SLC24A3: variants seen among roughly 807,000 people sequenced by gnomAD.
The protein encoded by SLC24A3 is solute carrier family 24 member 3, also known as sodium/potassium/calcium exchanger 3.
SLC24A3 carries 28 observed loss-of-function variants against 75.8 expected under a neutral mutation model. The ratio of observed to expected loss-of-function variants is 0.37; its 90% CI spans 0.27 to 0.51. SLC24A3 has a LOEUF of 0.51. Among genes scored for constraint, SLC24A3 ranks in the 20% least tolerant of loss-of-function variants. The pLI, the probability that SLC24A3 is intolerant of heterozygous loss-of-function variation, is 0.94. For synonymous variants in SLC24A3, 372 were observed against 334.1 expected (o/e 1.11, Z -1.24); for missense variants, 663 against 847.8 (o/e 0.78, Z 2.71).
At position 19,230,096 on chromosome 20, in the gene SLC24A3, T is replaced by G. The variant is rs1981977008; in HGVS notation, c.142+17112T>G. On this transcript the variant is annotated intron_variant, in intron 1 of 16. Coordinates refer to ENST00000328041, the MANE Select transcript of SLC24A3 (RefSeq NM_020689.4). ...TTTTTTAGAAGAATAGTGTTTTACT[T>G]CAGATGTTGCAGAGAATTTTCAAAA... is the stretch of plus-strand genomic sequence containing the variant. Among the ~76,000 whole-genome samples, 3 of 151,940 alleles carry G rather than the reference T, an allele frequency of 2.0e-5. 1 individual carries two copies. Among genetic ancestry groups the G allele is most frequent in the Admixed American group, 2.0e-4 (3 of 15,262 alleles).
At chr20:19,289,063 A>G (rs930414970) in intron 2 of SLC24A3, among the ~76,000 whole-genome samples, 1 of 152,066 alleles carries the variant, frequency 6.6e-6, no homozygotes, top group South Asian at 2.1e-4. Context: ...GGCAGGAATG[A>G]CATTTCCAAG....
intron 2 of SLC24A3, among the ~76,000 whole-genome samples, chr20:19,345,007 GA>G (rs1264940180): frequency 2.6e-5 from 4 of 152,146 alleles, no homozygotes; most frequent in Non-Finnish European, 4.4e-5. Context: ...GAAAAGCAAA[GA>G]AAAGACACAC....
At chr20:19,507,308 CA>C (rs1434243286) in intron 2 of SLC24A3, among the ~76,000 whole-genome samples, 1 of 152,198 alleles carries the variant, frequency 6.6e-6, no homozygotes, top group African/African-American at 2.4e-5. Flanking sequence ...TGCTGCAAGG[CA>C]AACAACGTGC....
chr20:19,446,916 T>C (rs1320519041), intron 2 of SLC24A3, among the ~76,000 whole-genome samples: 1 of 152,188 alleles, frequency 6.6e-6, no homozygotes, highest in African/African-American at 2.4e-5. Flanking sequence ...ATTAAATGGA[T>C]TTCCCCTTGG....
At chr20:19,540,455 A>G (rs2030475873) in intron 3 of SLC24A3, among the ~76,000 whole-genome samples, 1 of 152,210 alleles carries the variant, frequency 6.6e-6, no homozygotes, top group African/African-American at 2.4e-5. Flanking sequence ...TTTTAAATGC[A>G]AACTAATTCT....
intron 1 of SLC24A3, among the ~76,000 whole-genome samples, chr20:19,271,672 T>G (rs1409893806): frequency 6.6e-6 from 1 of 152,226 alleles, no homozygotes; most frequent in Non-Finnish European, 1.5e-5. Flanking sequence ...AGGAATGAAG[T>G]AATGGCATTT....
chr20:19,216,200 T>G (rs1343502941), intron 1 of SLC24A3, among the ~76,000 whole-genome samples: 1 of 152,198 alleles, frequency 6.6e-6, no homozygotes, highest in Non-Finnish European at 1.5e-5. Flanking sequence ...CTGAGGAGGA[T>G]TTTCTTTCCT....
chr20:19,718,420 T>C (rs1022017634), intron 16 of SLC24A3, among the ~76,000 whole-genome samples: 2 of 152,226 alleles, frequency 1.3e-5, no homozygotes, highest in African/African-American at 4.8e-5. Flanking sequence ...ATATTTGTAA[T>C]AGCCACACGC....
chr20:19,304,099 G>A (rs1009771456), intron 2 of SLC24A3, among the ~76,000 whole-genome samples: 6 of 152,252 alleles, frequency 3.9e-5, no homozygotes, highest in African/African-American at 7.2e-5. Context: ...TAATGTCCCC[G>A]TAGAGCAAGT....
At chr20:19,478,634 G>T (rs1988001098) in intron 2 of SLC24A3, among the ~76,000 whole-genome samples, 2 of 152,144 alleles carry the variant, frequency 1.3e-5, no homozygotes, top group Admixed American at 1.3e-4. Context: ...TGGGGGAAGG[G>T]TGAGCATTTC....
At chr20:19,487,541 C>T (rs1209389409) in intron 2 of SLC24A3, among the ~76,000 whole-genome samples, 1 of 152,166 alleles carries the variant, frequency 6.6e-6, no homozygotes, top group African/African-American at 2.4e-5. Flanking sequence ...TCAGAGGAGA[C>T]AAATGACACA....
chr20:19,397,324 C>T (rs1165616809), intron 2 of SLC24A3, among the ~76,000 whole-genome samples: 2 of 152,108 alleles, frequency 1.3e-5, no homozygotes, highest in African/African-American at 4.8e-5. Context: ...ACATCATAAC[C>T]AGTTAGGTTC....
chr20:19,235,199 C>G (rs1382374920), intron 1 of SLC24A3, among the ~76,000 whole-genome samples: 1 of 152,174 alleles, frequency 6.6e-6, no homozygotes, highest in Non-Finnish European at 1.5e-5. Context: ...GAGACCCTGG[C>G]CTGGAGCTGT....
chr20:19,251,105 G>C (rs1568568975), intron 1 of SLC24A3, among the ~76,000 whole-genome samples: 1 of 152,156 alleles, frequency 6.6e-6, no homozygotes, highest in Non-Finnish European at 1.5e-5. Context: ...TATTCAACCT[G>C]ACTTTTGTCA....
chr20:19,223,830 A>ACACC (rs1981798143), intron 1 of SLC24A3, among the ~76,000 whole-genome samples: 1 of 152,174 alleles, frequency 6.6e-6, no homozygotes, highest in African/African-American at 2.4e-5. Context: ...AGGCACTGCC[A>ACACC]CACCATGACA....
intron 2 of SLC24A3, among the ~76,000 whole-genome samples, chr20:19,514,281 T>A (rs1325276177): frequency 6.6e-6 from 1 of 152,182 alleles, no homozygotes; most frequent in African/African-American, 2.4e-5. Context: ...CTGCACTGCC[T>A]CCCTCATGCA....
At chr20:19,517,815 T>C (rs2030024860) in intron 3 of SLC24A3, among the ~76,000 whole-genome samples, 1 of 152,168 alleles carries the variant, frequency 6.6e-6, no homozygotes, top group South Asian at 2.1e-4. Context: ...TGGGGCAAGC[T>C]TCAACACACA....
chr20:19,350,326 C>A (rs937334693), intron 2 of SLC24A3, among the ~76,000 whole-genome samples: 17 of 152,206 alleles, frequency 1.1e-4, no homozygotes, highest in African/African-American at 3.9e-4. Context: ...TCTGAGTTTG[C>A]TCCTACTTTT....
intron 6 of SLC24A3, among the ~76,000 whole-genome samples, chr20:19,626,599 G>A (rs1279573614): frequency 2.0e-5 from 3 of 152,166 alleles, no homozygotes; most frequent in Non-Finnish European, 2.9e-5. Flanking sequence ...GAGAGATTAC[G>A]TTTAAGTAGT....
Sources: allele counts gnomAD v4.1 joint callset (sites outside exome capture counted in the v4.1 genomes callset), GRCh38; gene constraint gnomAD v4.1.1; transcripts MANE v1.5; gene names NCBI Gene and HGNC (gene_info 2026-07-23, HGNC 2026-07-21).